The following AGK variants were observed in gnomAD, a reference collection of about 807,000 sequenced individuals.
The protein encoded by AGK is acylglycerol kinase.
Under a neutral mutation model 66.4 loss-of-function variants are expected in AGK, and 52 were observed. The ratio of observed to expected loss-of-function variants is 0.78; its 90% CI spans 0.63 to 0.99. The LOEUF (loss-of-function observed/expected upper bound fraction) is 0.99. AGK is among the 50% of genes least tolerant of loss of function. The pLI is 0.00. For synonymous variants in AGK, 182 were observed against 181.1 expected (o/e 1.00, Z -0.04); for missense variants, 451 against 506.6 (o/e 0.89, Z 1.05).
intron 9 of AGK, among the ~76,000 whole-genome samples, chr7:141,623,858 C>A (rs566622398): frequency 6.6e-6 from 1 of 152,146 alleles, no homozygotes; most frequent in African/African-American, 2.4e-5. Flanking sequence ...GACAGGCTGA[C>A]TCTCATGTTA....
Position 141,654,594 on chromosome 7 carries a change from A to T in AGK, c.*1670A>T, listed in dbSNP as rs1171111181. 2.6e-5 allele frequency: 4 copies of T among 152,158 alleles called. No homozygotes were observed. The highest frequency in any genetic ancestry group is 6.5e-5 in the Admixed American group (1 of 15,286). The allele number at this position is 152,158 out of a possible 1,614,324, so 9.4% of individuals were successfully genotyped here. On this transcript the variant is annotated 3_prime_UTR_variant, in exon 16 of 16. Transcript: ENST00000649286. ...GCTTTGCCAGCCAGTCATTAGCACCATTTACTTTTACTATCGCTGACATTT... is the reference window on the plus strand; with the variant it reads ...GCTTTGCCAGCCAGTCATTAGCACCTTTTACTTTTACTATCGCTGACATTT...
At chr7:141,623,037 A>G (rs1392132070) in intron 9 of AGK, among the ~76,000 whole-genome samples, 3 of 152,222 alleles carry the variant, frequency 2.0e-5, no homozygotes, top group Non-Finnish European at 4.4e-5. Flanking sequence ...ATGCAAAGGA[A>G]CAGTTCTTGA....
intron 10 of AGK, among the ~76,000 whole-genome samples, chr7:141,634,984 T>A (rs1377125608): frequency 1.3e-5 from 2 of 152,008 alleles, no homozygotes; most frequent in African/African-American, 4.8e-5. Flanking sequence ...TATTTGCAAG[T>A]GTGCCATGAT....
intron 5 of AGK, among the ~76,000 whole-genome samples, chr7:141,607,571 C>T (rs1796492370): frequency 6.6e-6 from 1 of 151,978 alleles, no homozygotes. Flanking sequence ...TATATTCTTT[C>T]TCAGGCTGTG....
chr7:141,646,071 G>C (rs1006535531), intron 13 of AGK, among the ~76,000 whole-genome samples: 2 of 152,086 alleles, frequency 1.3e-5, no homozygotes, highest in Non-Finnish European at 2.9e-5. Context: ...CTGCGGAGAG[G>C]GAGCCCACAC....
intron 2 of AGK, among the ~76,000 whole-genome samples, chr7:141,570,175 C>G (rs903982154): frequency 6.6e-6 from 1 of 152,086 alleles, no homozygotes; most frequent in African/African-American, 2.4e-5. Flanking sequence ...ATCACGAGGT[C>G]AGGAGTTTGA....
intron 3 of AGK, among the ~76,000 whole-genome samples, chr7:141,595,587 T>A (rs1796210652): frequency 6.6e-6 from 1 of 152,180 alleles, no homozygotes; most frequent in South Asian, 2.1e-4. Flanking sequence ...TTGCATTACT[T>A]TTTTTCCTCC....
intron 2 of AGK, among the ~76,000 whole-genome samples, chr7:141,561,899 C>T (rs965929612): frequency 3.3e-5 from 5 of 152,148 alleles, no homozygotes; most frequent in African/African-American, 1.2e-4. Context: ...ATGGGGCTTC[C>T]TGAGAACCAA....
chr7:141,640,057 G>A (rs1797254975), intron 11 of AGK, among the ~76,000 whole-genome samples: 1 of 152,124 alleles, frequency 6.6e-6, no homozygotes, highest in South Asian at 2.1e-4. Context: ...GTGCAGTTAG[G>A]TCTTCAGGGG....
chr7:141,599,885 T>C (rs1796305971), intron 4 of AGK, among the ~76,000 whole-genome samples: 1 of 152,196 alleles, frequency 6.6e-6, no homozygotes, highest in South Asian at 2.1e-4. Flanking sequence ...GTTTGAGATA[T>C]TCTTTTGGAT....
At chr7:141,650,532 G>A in intron 14 of AGK, 1 of 985,430 alleles carries the variant, frequency 1.0e-6, no homozygotes, top group Non-Finnish European at 1.2e-6. Flanking sequence ...TAGTGAAGCT[G>A]CGTTAGAAAA....
chr7:141,577,034 C>T (rs1193403944), intron 2 of AGK, among the ~76,000 whole-genome samples: 5 of 151,734 alleles, frequency 3.3e-5, no homozygotes, highest in Non-Finnish European at 5.9e-5. Context: ...GGTGAGACTC[C>T]GTCTCAAAAA....
intron 2 of AGK, among the ~76,000 whole-genome samples, chr7:141,559,846 A>G (rs994671419): frequency 1.3e-5 from 2 of 152,088 alleles, no homozygotes; most frequent in Non-Finnish European, 1.5e-5. Context: ...TTTTGATGCA[A>G]TTGTTAATGG....
At chr7:141,568,088 T>C (rs533795527) in intron 2 of AGK, among the ~76,000 whole-genome samples, 1 of 152,288 alleles carries the variant, frequency 6.6e-6, no homozygotes, top group Admixed American at 6.5e-5. Flanking sequence ...TAAAACCAAG[T>C]GCTGCTGGTG....
At chr7:141,603,568 T>C (rs550451143) in intron 5 of AGK, among the ~76,000 whole-genome samples, 11 of 152,336 alleles carry the variant, frequency 7.2e-5, no homozygotes, top group Admixed American at 2.0e-4. Context: ...CAGGATATTG[T>C]AAAGCCCATT....
At chr7:141,595,146 C>CTCCT (rs763026091) in intron 3 of AGK, among the ~76,000 whole-genome samples, 3 of 152,162 alleles carry the variant, frequency 2.0e-5, no homozygotes, top group Non-Finnish European at 4.4e-5. Flanking sequence ...CTCACATAAA[C>CTCCT]TCCTTAGCTC....
chr7:141,593,362 C>A lies in AGK; in HGVS notation c.141+177C>A, dbSNP rs534372983. 416 of 714,292 alleles carry A rather than the reference C, an allele frequency of 5.8e-4. 1 individual carries two copies. Among genetic ancestry groups the A allele is most frequent in the Middle Eastern group, 2.3e-3 (10 of 4,366 alleles). The allele number at this position is 714,292 out of a possible 1,614,324, so 44.2% of individuals were successfully genotyped here. Reference sequence around the variant, plus strand: ...TCTGAGTAGAACTCCAGGAAGTTAACCATCTGGTGAAGAGCAGTTCTGACG... The same window carrying A: ...TCTGAGTAGAACTCCAGGAAGTTAAACATCTGGTGAAGAGCAGTTCTGACG... On this transcript the variant is annotated intron_variant, in intron 3 of 15. Transcript: ENST00000649286.
chr7:141,562,166 T>G, intron 2 of AGK: 1 of 454,750 alleles, frequency 2.2e-6, no homozygotes, highest in Non-Finnish European at 4.4e-6. Context: ...AGTTGTCACA[T>G]GGATAGACTC....
At chr7:141,588,987 T>G (rs2116913437) in intron 2 of AGK, among the ~76,000 whole-genome samples, 1 of 152,326 alleles carries the variant, frequency 6.6e-6, no homozygotes, top group East Asian at 1.9e-4. Context: ...CACTGAAGGT[T>G]GTTTTATCAG....
Sources: gnomAD v4.1 joint callset for allele counts (sites outside exome capture counted in the v4.1 genomes callset) on GRCh38, gnomAD v4.1.1 for gene constraint, MANE v1.5 for transcripts, NCBI Gene and HGNC (gene_info 2026-07-23, HGNC 2026-07-21) for gene names.